Variants in TGFBR3 observed in about 807,000 individuals in gnomAD.
TGFBR3 encodes the protein transforming growth factor beta receptor type 3.
TGFBR3 carries 46 observed loss-of-function variants against 87.9 expected under a neutral mutation model. That is an observed-to-expected ratio of 0.52 (90% CI 0.41 to 0.67). The LOEUF (loss-of-function observed/expected upper bound fraction) is 0.67, where lower values mean the gene tolerates loss of function less well. TGFBR3 is among the 30% of genes least tolerant of loss of function. TGFBR3 has a pLI of 0.00. For synonymous variants in TGFBR3, 381 were observed against 391.6 expected (o/e 0.97, Z 0.32); for missense variants, 866 against 1,041.9 (o/e 0.83, Z 2.32).
chr1:91,717,819 G>GA (rs1422182979), intron 10 of TGFBR3, among the ~76,000 whole-genome samples: 3 of 148,192 alleles, frequency 2.0e-5, no homozygotes, highest in Non-Finnish European at 4.5e-5. Flanking sequence ...AAATATGTGA[G>GA]AAAAAAAGGA....
intron 3 of TGFBR3, among the ~76,000 whole-genome samples, chr1:91,790,909 TC>T (rs1323097568): frequency 6.6e-6 from 1 of 152,118 alleles, no homozygotes; most frequent in East Asian, 1.9e-4. Flanking sequence ...CACCCACTCC[TC>T]CCCAAGCACT....
chr1:91,875,279 C>A (rs551027312), intron 1 of TGFBR3, among the ~76,000 whole-genome samples: 1 of 152,176 alleles, frequency 6.6e-6, no homozygotes, highest in South Asian at 2.1e-4. Context: ...GAAGAGTAAG[C>A]AGGAACCCCC....
intron 2 of TGFBR3, among the ~76,000 whole-genome samples, chr1:91,817,656 T>C (rs1486574254): frequency 6.6e-6 from 1 of 152,238 alleles, no homozygotes; most frequent in Non-Finnish European, 1.5e-5. Context: ...TAAACTGCCC[T>C]GGCCTTGCCA....
chr1:91,686,203 A>T (rs4658259), intron 16 of TGFBR3, among the ~76,000 whole-genome samples: 1 of 152,108 alleles, frequency 6.6e-6, no homozygotes, highest in Non-Finnish European at 1.5e-5. Context: ...GGAAGCCTGA[A>T]TATCTGCTTT....
intron 2 of TGFBR3, among the ~76,000 whole-genome samples, chr1:91,850,080 C>CAAAAAAAAAA (rs376631972): frequency 1.6e-3 from 82 of 51,866 alleles, no homozygotes; most frequent in Non-Finnish European, 2.5e-3. Flanking sequence ...GACTCCATCT[C>CAAAAAAAAAA]AAAAAAAAAA....
At chr1:91,905,749 G>A (rs892650740) in intron 1 of TGFBR3, 2 of 152,192 alleles carry the variant, frequency 1.3e-5, no homozygotes, top group African/African-American at 4.8e-5. Context: ...TAGATGAAAA[G>A]CAGTATCAAA....
chr1:91,690,334 A>G (rs1010291270), intron 16 of TGFBR3, among the ~76,000 whole-genome samples: 2 of 152,088 alleles, frequency 1.3e-5, no homozygotes, highest in African/African-American at 4.8e-5. Flanking sequence ...AGAGGAGGAA[A>G]CTGAAGGTTC....
chr1:91,819,470 A>C (rs1676369975), intron 2 of TGFBR3, among the ~76,000 whole-genome samples: 1 of 152,130 alleles, frequency 6.6e-6, no homozygotes, highest in African/African-American at 2.4e-5. Context: ...TAACCCTTTG[A>C]CCCACATAGA....
chr1:91,801,039 C>T (rs12066918), intron 2 of TGFBR3: 3,315 of 210,936 alleles, frequency 0.016, 109 homozygotes, highest in African/African-American at 0.066. Context: ...GCCAAGATCG[C>T]GCCATTGCAC....
intron 3 of TGFBR3, among the ~76,000 whole-genome samples, chr1:91,760,871 G>T (rs1673937090): frequency 6.6e-6 from 1 of 152,178 alleles, no homozygotes; most frequent in African/African-American, 2.4e-5. Flanking sequence ...GATTCAAACT[G>T]TACTGAACAA....
chr1:91,702,298 T>C (rs1671647696), intron 14 of TGFBR3, among the ~76,000 whole-genome samples: 1 of 152,176 alleles, frequency 6.6e-6, no homozygotes, highest in African/African-American at 2.4e-5. Flanking sequence ...TATTTTATTC[T>C]TGAGTACTTT....
chr1:91,850,249 T>G (rs138696509), intron 2 of TGFBR3, among the ~76,000 whole-genome samples: 1 of 152,120 alleles, frequency 6.6e-6, no homozygotes, highest in African/African-American at 2.4e-5. Flanking sequence ...ATCTAAAACA[T>G]AGTAGTTATT....
intron 3 of TGFBR3, among the ~76,000 whole-genome samples, chr1:91,776,288 C>G (rs1331515439): frequency 1.3e-5 from 2 of 152,214 alleles, no homozygotes; most frequent in African/African-American, 4.8e-5. Context: ...GGTAGGGGGT[C>G]AGGACTGCCA....
intron 14 of TGFBR3, among the ~76,000 whole-genome samples, chr1:91,705,225 C>CTTTT (rs35620891): frequency 7.4e-6 from 1 of 135,932 alleles, no homozygotes; most frequent in East Asian, 2.1e-4. Context: ...AGTCTCTTTT[C>CTTTT]TTTTTTTTTT....
intron 1 of TGFBR3, chr1:91,863,755 C>A (rs541109404): frequency 8.3e-4 from 127 of 152,300 alleles, no homozygotes; most frequent in Middle Eastern, 3.4e-3. Context: ...CATAAGTCAT[C>A]AATGACACAA....
intron 2 of TGFBR3, among the ~76,000 whole-genome samples, chr1:91,860,932 C>CAA: frequency 7.7e-5 from 1 of 12,984 alleles, no homozygotes; most frequent in Non-Finnish European, 1.4e-4. Flanking sequence ...ACTCTGTCTC[C>CAA]ACAAAAAAAA....
Position 91,683,572 on chromosome 1 carries a change from G to A in TGFBR3, c.*167C>T. 1 of 705,466 alleles carries A rather than the reference G, an allele frequency of 1.4e-6. No individual in the cohort carries two copies. The highest frequency in any genetic ancestry group is 2.6e-6 in the Non-Finnish European group (1 of 390,688). The allele number at this position is 705,466 out of a possible 1,614,324, so 43.7% of individuals were successfully genotyped here. On this transcript the variant is annotated 3_prime_UTR_variant, in exon 17 of 17. Transcript: ENST00000212355. ...TGTTTATACTAGCCCTGGGTGTGGGGTGAATACAACGGGTGATCTTTATAC... is the reference window on the plus strand; with the variant it reads ...TGTTTATACTAGCCCTGGGTGTGGGATGAATACAACGGGTGATCTTTATAC...
chr1:91,712,520 T>C lies in TGFBR3; in HGVS notation c.1889A>G (p.Gln630Arg). ...CGTTTGGATGGCAAATCCCAGTTCTTGTTCAGCCTTAGTAACAGATACCTA... is the reference window on the plus strand; with the variant it reads ...CGTTTGGATGGCAAATCCCAGTTCTCGTTCAGCCTTAGTAACAGATACCTA... ...YVEVSVTKAE[Q>R]ELGFAIQTCF... The change falls in exon 13 of 17, where the codon CAA (glutamine) becomes CGA (arginine). Residue 630 changes from glutamine to arginine, a missense_variant. By Grantham distance (43) the Gln-to-Arg change is conservative (BLOSUM62 1). Coordinates refer to ENST00000212355, the MANE Select transcript of TGFBR3 (RefSeq NM_003243.5). 1 of 1,614,216 alleles carries C rather than the reference T, an allele frequency of 6.2e-7. No individual in the cohort carries two copies. Among genetic ancestry groups the C allele is most frequent in the Non-Finnish European group, 8.5e-7 (1 of 1,180,040 alleles).
chr1:91,833,436 G>C (rs1457742094), intron 2 of TGFBR3, among the ~76,000 whole-genome samples: 1 of 133,494 alleles, frequency 7.5e-6, no homozygotes, highest in Non-Finnish European at 1.5e-5. Context: ...ACTCCACCCT[G>C]GGCGACAGAG....
Sources: gnomAD v4.1 joint callset for allele counts (sites outside exome capture counted in the v4.1 genomes callset) on GRCh38, gnomAD v4.1.1 for gene constraint, MANE v1.5 for transcripts, NCBI Gene and HGNC (gene_info 2026-07-23, HGNC 2026-07-21) for gene names.